Variants in KANK4 observed in about 807,000 individuals in gnomAD.
The protein encoded by KANK4 is KN motif and ankyrin repeat domain-containing protein 4.
KANK4 carries 50 observed loss-of-function variants against 80.8 expected under a neutral mutation model. The observed-to-expected ratio is 0.62, with a 90% CI of 0.49 to 0.78. The LOEUF (loss-of-function observed/expected upper bound fraction) is 0.78, where lower values mean the gene tolerates loss of function less well. KANK4 is among the 30% of genes least tolerant of loss of function. KANK4 has a pLI of 0.00. For synonymous variants in KANK4, 465 were observed against 506.9 expected (o/e 0.92, Z 1.11); for missense variants, 1,196 against 1,240.1 (o/e 0.96, Z 0.53).
At chr1:62,267,450 C>T (rs1408119973) in intron 5 of KANK4, among the ~76,000 whole-genome samples, 1 of 152,186 alleles carries the variant, frequency 6.6e-6, no homozygotes, top group Admixed American at 6.5e-5. Context: ...CTCAGCCTCC[C>T]AAACTGCTGG....
intron 9 of KANK4, among the ~76,000 whole-genome samples, chr1:62,242,077 A>G (rs1257536442): frequency 6.6e-6 from 1 of 152,142 alleles, no homozygotes; most frequent in Non-Finnish European, 1.5e-5. Context: ...TGCAGCTCCC[A>G]TGGGAGCCAG....
chr1:62,302,292 C>T (rs914377337), intron 1 of KANK4, among the ~76,000 whole-genome samples: 1 of 151,786 alleles, frequency 6.6e-6, no homozygotes, highest in African/African-American at 2.4e-5. Context: ...AGGAAGAAGC[C>T]GAGGGAGAAG....
chr1:62,270,849 C>T (rs1672144648), intron 4 of KANK4, among the ~76,000 whole-genome samples: 2 of 152,272 alleles, frequency 1.3e-5, no homozygotes, highest in South Asian at 4.1e-4. Flanking sequence ...AGCACATCAG[C>T]ATTTCATCTT....
intron 1 of KANK4, among the ~76,000 whole-genome samples, chr1:62,305,771 G>C (rs1644446710): frequency 6.6e-6 from 1 of 152,142 alleles, no homozygotes; most frequent in African/African-American, 2.4e-5. Context: ...TTAAGCAGGG[G>C]TTGCTTTCTC....
chr1:62,238,395 A>G lies in KANK4; in HGVS notation c.2884-14T>C. On this transcript the variant is annotated splice_polypyrimidine_tract_variant and intron_variant, in intron 9 of 9. Transcript: ENST00000371153. ...TGTGCGGCCAGCCTACAGGAGAAAA[A>G]GGAAAGAAGAAATAAATATCATCCA... 1 of 1,609,222 alleles carries G rather than the reference A, an allele frequency of 6.2e-7. No individual in the cohort carries two copies. The highest frequency in any genetic ancestry group is 8.5e-7 in the Non-Finnish European group (1 of 1,175,876).
chr1:62,291,510 T>C (rs940062899), intron 1 of KANK4, among the ~76,000 whole-genome samples: 1 of 152,214 alleles, frequency 6.6e-6, no homozygotes, highest in Admixed American at 6.5e-5. Context: ...GGCACAATCA[T>C]AGCTCACCAC....
intron 1 of KANK4, among the ~76,000 whole-genome samples, chr1:62,299,144 A>G (rs1644391147): frequency 6.6e-6 from 1 of 151,734 alleles, no homozygotes; most frequent in South Asian, 2.1e-4. Flanking sequence ...TCTAGCCTCG[A>G]CCTCCTAAGT....
At chr1:62,304,730 C>T (rs1023296375) in intron 1 of KANK4, among the ~76,000 whole-genome samples, 1 of 151,872 alleles carries the variant, frequency 6.6e-6, no homozygotes, top group Non-Finnish European at 1.5e-5. Context: ...AACAGCCTCC[C>T]CTTTCAGGAG....
intron 6 of KANK4, among the ~76,000 whole-genome samples, chr1:62,264,680 G>A (rs2149134160): frequency 6.6e-6 from 1 of 152,280 alleles, no homozygotes; most frequent in South Asian, 2.1e-4. Flanking sequence ...CACTTTTCTA[G>A]AGCAGAATCA....
At chr1:62,284,937 T>TGAACAAAATAAAAG (rs1213765067) in intron 1 of KANK4, among the ~76,000 whole-genome samples, 1 of 152,044 alleles carries the variant, frequency 6.6e-6, no homozygotes. Context: ...GGTTCTTAGA[T>TGAACAAAATAAAAG]GAACAAAATA....
Position 62,274,117 on chromosome 1 carries a change from C to T in KANK4, c.987G>A (p.Glu329=). The change falls in exon 3 of 10, where the codon GAG becomes GAA. Residue 329 remains glutamate, a synonymous_variant. Transcript: ENST00000371153. ...DMRSIGIRVT[E]ESLGLARVDP... ...CCACCCTGGCAAGGCCCAGGCTTTC[C>T]TCAGTTACCCTGATGCCAATGCTTC... The T allele has an allele frequency of 6.2e-7, 1 of 1,614,184 alleles. No homozygotes were observed. The highest frequency in any genetic ancestry group is 8.5e-7 in the Non-Finnish European group (1 of 1,180,038).
At chr1:62,255,895 C>T (rs1280064620) in intron 7 of KANK4, among the ~76,000 whole-genome samples, 1 of 152,184 alleles carries the variant, frequency 6.6e-6, no homozygotes, top group Non-Finnish European at 1.5e-5. Context: ...AGCCATCCAT[C>T]CACTTTGGCC....
chr1:62,248,532 C>G, intron 8 of KANK4, among the ~76,000 whole-genome samples: 1 of 133,970 alleles, frequency 7.5e-6, no homozygotes, highest in East Asian at 2.4e-4. Context: ...CTCAATATAC[C>G]TGGTTAGTTT....
chr1:62,275,396 T>C (rs1327441027), intron 2 of KANK4, among the ~76,000 whole-genome samples: 1 of 152,212 alleles, frequency 6.6e-6, no homozygotes, highest in Non-Finnish European at 1.5e-5. Context: ...CCAAATGGTC[T>C]TGTACTGCTT....
At chr1:62,254,880 A>ATTTTTT (rs3066333) in intron 7 of KANK4, among the ~76,000 whole-genome samples, 1 of 65,730 alleles carries the variant, frequency 1.5e-5, no homozygotes, top group Non-Finnish European at 2.7e-5. Context: ...TAAACCTGGT[A>ATTTTTT]TTTTTTTTTT....
At position 62,308,348 on chromosome 1, in the gene KANK4, A is replaced by G. The variant is rs138537331; in HGVS notation, c.-71+10758T>C. Among the ~76,000 whole-genome samples the G allele has an allele frequency of 2.0e-5, 3 of 152,174 alleles. No individual in the cohort carries two copies. The East Asian group carries it at 5.8e-4, about 29-fold the overall frequency. On this transcript the variant is annotated intron_variant, in intron 1 of 9. Transcript: ENST00000371153. The stretch of plus-strand genomic sequence containing the variant: ...GCCCAGGGCGGCTGCCTGGCCAGAT[A>G]ATGTGCCTTCTGCAGTCAGGACAAG...
rs1327447465 is a variant in KANK4, at chr1:62,253,188, T to C, written c.2561A>G (p.Gln854Arg). The C allele has an allele frequency of 2.5e-6, 4 of 1,610,896 alleles. No homozygotes were observed. Among genetic ancestry groups the C allele is most frequent in the Non-Finnish European group, 3.4e-6 (4 of 1,179,254 alleles). ...TACGGCAGTGTAGCCAGCTTTGTTC[T>C]GATGGTCCACATTGCAGACGCCTGC... is the stretch of plus-strand genomic sequence containing the variant. ...LETGVCNVDH[Q>R]NKAGYTAVMI... is the part of the protein sequence containing the mutation. The change falls in exon 8 of 10, where the codon CAG (glutamine) becomes CGG (arginine). Residue 854 changes from glutamine (Q) to arginine (R), a missense_variant. Physicochemically the swap from Gln to Arg is conservative, Grantham distance 43. Transcript: ENST00000371153.
At position 62,281,317 on chromosome 1, in the gene KANK4, G is replaced by A. The variant is rs1478874964; in HGVS notation, c.16+232C>T. Among the ~76,000 whole-genome samples the A allele has an allele frequency of 2.0e-5, 3 of 152,340 alleles. No homozygotes were observed. In the East Asian group the frequency reaches 5.8e-4, roughly 29 times the overall value. Reference sequence around the variant, plus strand: ...GGATTGAGGATCAAAGACATTAAATGACTTGTAGAATCACTTAGGTATAAA... The same window carrying A: ...GGATTGAGGATCAAAGACATTAAATAACTTGTAGAATCACTTAGGTATAAA... On this transcript the variant is annotated intron_variant, in intron 2 of 9. Coordinates refer to ENST00000371153, the MANE Select transcript of KANK4 (RefSeq NM_181712.5).
rs7529927 is a variant in KANK4 at position 62,236,661 on chromosome 1, C to A, written c.*1616G>T. Among the ~76,000 whole-genome samples the A allele has an allele frequency of 0.015, 2,189 of 144,894 alleles. 30 individuals carry two copies. The highest frequency in any genetic ancestry group is 0.022 in the Non-Finnish European group (1,499 of 67,106). Reference sequence around the variant, plus strand: ...CCAGGCTGGAGTGCAATGGCACGATCTCGGCTCACTGAAACCTCCGCCTCC... The same window carrying A: ...CCAGGCTGGAGTGCAATGGCACGATATCGGCTCACTGAAACCTCCGCCTCC... On this transcript the variant is annotated 3_prime_UTR_variant, in exon 10 of 10. Transcript: ENST00000371153.
Sources: gnomAD v4.1 joint callset for allele counts (sites outside exome capture counted in the v4.1 genomes callset) on GRCh38, gnomAD v4.1.1 for gene constraint, MANE v1.5 for transcripts, NCBI Gene and HGNC (gene_info 2026-07-23, HGNC 2026-07-21) for gene names.